Variants in ZBBX observed in about 807,000 individuals in gnomAD.
The protein encoded by ZBBX is zinc finger B-box domain containing, also known as zinc finger B-box domain-containing protein 1.
A neutral mutation model predicts 108.5 loss-of-function variants in ZBBX; 101 were observed. The observed-to-expected ratio is 0.93, with a 90% CI of 0.79 to 1.10. ZBBX has a LOEUF of 1.10. Among genes scored for constraint, ZBBX ranks in the 50% least tolerant of loss-of-function variants. ZBBX has a pLI of 0.00. For synonymous variants in ZBBX, 356 were observed against 323.4 expected (o/e 1.10, Z -1.08); for missense variants, 1,009 against 941.4 (o/e 1.07, Z -0.94).
the ZBBX span, among the ~76,000 whole-genome samples, chr3:167,187,271 T>C: frequency 1.3e-5 from 2 of 152,156 alleles, no homozygotes; most frequent in African/African-American, 2.4e-5. Flanking sequence ...TAGTGAGAAA[T>C]CCATCTTTGA....
intron 2 of ZBBX, among the ~76,000 whole-genome samples, chr3:167,375,579 G>A (rs189806482): frequency 6.6e-6 from 1 of 151,718 alleles, no homozygotes; most frequent in African/African-American, 2.4e-5. Context: ...GTGACAGAGT[G>A]AGACTCTGTC....
intron 14 of ZBBX, 141 bp from the exon 15 acceptor site, chr3:167,315,970 T>C (rs1249960615): frequency 5.6e-6 from 3 of 536,662 alleles, no homozygotes; most frequent in Non-Finnish European, 9.9e-6. Flanking sequence ...TTATAACACA[T>C]AAGTTCTAGG....
At chr3:167,399,603 C>G (rs77306014) in intron 1 of ZBBX, 1 of 152,112 alleles carries the variant, frequency 6.6e-6, no homozygotes, top group South Asian at 2.1e-4. Context: ...GAATTTTATG[C>G]CATAGGGGGA....
chr3:167,324,282 C>G (rs1337626445), intron 11 of ZBBX, among the ~76,000 whole-genome samples: 3 of 151,960 alleles, frequency 2.0e-5, no homozygotes, highest in Non-Finnish European at 4.4e-5. Context: ...GTAGCTAGGA[C>G]TATAGGTTCA....
intron 19 of ZBBX, among the ~76,000 whole-genome samples, chr3:167,283,743 T>A (rs1729220459): frequency 6.6e-6 from 1 of 152,150 alleles, no homozygotes; most frequent in Admixed American, 6.5e-5. Flanking sequence ...CCTCCCAGGT[T>A]CAAGCGATTC....
chr3:167,349,826 TAGTG>T (rs1742326442), intron 9 of ZBBX, among the ~76,000 whole-genome samples: 1 of 152,036 alleles, frequency 6.6e-6, no homozygotes, highest in South Asian at 2.1e-4. Context: ...TAACTGTAAC[TAGTG>T]TAATGCCATG....
intron 20 of ZBBX, among the ~76,000 whole-genome samples, chr3:167,244,525 T>C (rs1407449490): frequency 1.3e-5 from 2 of 152,226 alleles, no homozygotes; most frequent in African/African-American, 4.8e-5. Flanking sequence ...AACTATTTAT[T>C]CTCAAAATTA....
intron 9 of ZBBX, among the ~76,000 whole-genome samples, chr3:167,337,030 C>G (rs1274305571): frequency 2.6e-5 from 4 of 152,128 alleles, no homozygotes; most frequent in Admixed American, 6.6e-5. Flanking sequence ...ACTCAACAGA[C>G]TTAATTTCAA....
chr3:167,209,452 C>G, the ZBBX span, among the ~76,000 whole-genome samples: 1 of 151,676 alleles, frequency 6.6e-6, no homozygotes, highest in Non-Finnish European at 1.5e-5. Context: ...TCTGGTAATC[C>G]AGAAAATTCT....
chr3:167,213,381 C>T, the ZBBX span, among the ~76,000 whole-genome samples: 1 of 151,992 alleles, frequency 6.6e-6, no homozygotes, highest in Non-Finnish European at 1.5e-5. Context: ...TAACACAATA[C>T]AAGAATTTCA....
chr3:167,364,782 T>G, intron 6 of ZBBX, among the ~76,000 whole-genome samples: 1 of 151,918 alleles, frequency 6.6e-6, no homozygotes, highest in East Asian at 1.9e-4. Context: ...CTCTATGTTT[T>G]ACAAATCCTA....
At chr3:167,326,733 T>C (rs1021423624) in intron 11 of ZBBX, among the ~76,000 whole-genome samples, 4 of 152,006 alleles carry the variant, frequency 2.6e-5, no homozygotes, top group African/African-American at 7.2e-5. Flanking sequence ...ATCCAAATAA[T>C]GTCTTGAAAA....
At chr3:167,293,594 G>A (rs953827345) in intron 18 of ZBBX, among the ~76,000 whole-genome samples, 2 of 152,118 alleles carry the variant, frequency 1.3e-5, no homozygotes, top group Non-Finnish European at 2.9e-5. Flanking sequence ...ATATCATATG[G>A]AATGGGCAAA....
Position 167,334,080 on chromosome 3 carries a change from C to CCG in ZBBX, c.529-96_529-95insCG, listed in dbSNP as rs1739135461. The CCG allele has an allele frequency of 3.0e-5, 24 of 809,364 alleles. No homozygotes were observed. In the East Asian group the frequency reaches 7.2e-4, roughly 24 times the overall value. 50.1% of individuals were successfully genotyped at this position (809,364 alleles called of 1,614,324 possible). ...CATATTTGTGTTATTCTATGACTCC[C>CCG]AGAATTAAATAAATTCAATTTAATA... On this transcript the variant is annotated intron_variant, in intron 9 of 21. Transcript: ENST00000675490.
chr3:167,197,721 T>C, the ZBBX span, among the ~76,000 whole-genome samples: 2 of 152,202 alleles, frequency 1.3e-5, no homozygotes, highest in Non-Finnish European at 2.9e-5. Context: ...ATTCCGAAAG[T>C]TGATTATTTT....
At chr3:167,180,326 G>A in the ZBBX span, among the ~76,000 whole-genome samples, 7 of 152,204 alleles carry the variant, frequency 4.6e-5, no homozygotes, top group Non-Finnish European at 1.5e-5. Context: ...CCTAGAGCAG[G>A]TCGTATCCAA....
intron 4 of ZBBX, among the ~76,000 whole-genome samples, chr3:167,370,039 T>C (rs1013346096): frequency 1.3e-5 from 2 of 152,176 alleles, no homozygotes; most frequent in African/African-American, 4.8e-5. Context: ...TTATATTGTA[T>C]GAACAATGAG....
intron 20 of ZBBX, among the ~76,000 whole-genome samples, chr3:167,267,512 G>A (rs1257939062): frequency 3.3e-5 from 5 of 152,206 alleles, no homozygotes; most frequent in Non-Finnish European, 5.9e-5. Context: ...TAGGTCTCAT[G>A]TTAAAATATT....
rs544289877 is a variant in ZBBX at position 167,369,389 on chromosome 3, G to T, written c.69-815C>A. 3.3e-5 allele frequency among the ~76,000 whole-genome samples: 5 copies of T among 152,278 alleles called. No individual in the cohort carries two copies. In the East Asian group the frequency reaches 9.7e-4, roughly 29 times the overall value. ...ATCAAGGCATAATAAAGTTCATAAAGGAGAAATCTTTCTAGAGGTAGCAAG... is the reference window on the plus strand; with the variant it reads ...ATCAAGGCATAATAAAGTTCATAAATGAGAAATCTTTCTAGAGGTAGCAAG... On this transcript the variant is annotated intron_variant, in intron 4 of 21. Transcript: ENST00000675490.
Sources: gnomAD v4.1 joint callset for allele counts (sites outside exome capture counted in the v4.1 genomes callset) on GRCh38, gnomAD v4.1.1 for gene constraint, MANE v1.5 for transcripts, NCBI Gene and HGNC (gene_info 2026-07-23, HGNC 2026-07-21) for gene names.